Variants in TENM2 observed in about 807,000 individuals in gnomAD.
TENM2 encodes the protein teneurin transmembrane protein 2.
TENM2 carries 52 observed loss-of-function variants against 245.2 expected under a neutral mutation model. The observed-to-expected ratio is 0.21, with a 90% CI of 0.17 to 0.27. TENM2 has a LOEUF of 0.27. Among genes scored for constraint, TENM2 ranks in the 10% least tolerant of loss-of-function variants. The probability of loss-of-function intolerance (pLI) is 1.00; values close to 1 mark genes in which losing one functional copy is unlikely to be tolerated. For missense variants in TENM2, 3,046 were observed against 3,666.8 expected (o/e 0.83, Z 4.37); for synonymous variants, 1,363 against 1,438.9 (o/e 0.95, Z 1.19).
rs542394687 is a variant in TENM2, at chr5:167,458,548, A to C, written c.502+83075A>C. 5.3e-5 allele frequency among the ~76,000 whole-genome samples: 8 copies of C among 151,994 alleles called. No individual in the cohort carries two copies. The East Asian group carries it at 1.5e-3, about 29-fold the overall frequency. ...TTTGGTTATAATGCTGAGTGATTTC[A>C]AAATGTCAAACAAGTGAAAAGGATT... On this transcript the variant is annotated intron_variant, in intron 2 of 28. Transcript: ENST00000518659.
intron 2 of TENM2, among the ~76,000 whole-genome samples, chr5:167,570,567 C>G (rs888731715): frequency 6.6e-6 from 1 of 152,086 alleles, no homozygotes; most frequent in Non-Finnish European, 1.5e-5. Context: ...TCCTTTCATT[C>G]AGATTCCAAG....
intron 1 of TENM2, among the ~76,000 whole-genome samples, chr5:167,347,596 A>G (rs947062175): frequency 6.6e-6 from 1 of 152,152 alleles, no homozygotes; most frequent in African/African-American, 2.4e-5. Context: ...CTAATGGGGT[A>G]CAAAGAAATG....
the TENM2 span, among the ~76,000 whole-genome samples, chr5:167,215,148 C>T: frequency 2.6e-5 from 4 of 152,158 alleles, no homozygotes; most frequent in African/African-American, 7.2e-5. Flanking sequence ...GTGCTTCTTG[C>T]CCCCTGCTAA....
At chr5:167,934,167 T>C (rs1182956574) in intron 3 of TENM2, among the ~76,000 whole-genome samples, 1 of 152,196 alleles carries the variant, frequency 6.6e-6, no homozygotes, top group African/African-American at 2.4e-5. Context: ...TTTGGTTAGG[T>C]TGAGAAAGAC....
At chr5:167,332,472 T>C (rs933202364) in intron 1 of TENM2, among the ~76,000 whole-genome samples, 3 of 152,166 alleles carry the variant, frequency 2.0e-5, no homozygotes, top group African/African-American at 2.4e-5. Flanking sequence ...CAGGCTTTGT[T>C]CCCTGGAGAA....
chr5:167,710,413 G>A (rs536151736), intron 2 of TENM2, among the ~76,000 whole-genome samples: 2 of 152,244 alleles, frequency 1.3e-5, no homozygotes, highest in Admixed American at 1.3e-4. Flanking sequence ...AGGAGCCCTG[G>A]GAGCACTTAA....
chr5:168,230,040 C>T (rs909008425), intron 25 of TENM2, among the ~76,000 whole-genome samples: 1 of 152,084 alleles, frequency 6.6e-6, no homozygotes, highest in Non-Finnish European at 1.5e-5. Flanking sequence ...ATAAATGTGG[C>T]CCTAAAATAA....
At chr5:167,639,908 G>A (rs1164490864) in intron 2 of TENM2, among the ~76,000 whole-genome samples, 2 of 152,150 alleles carry the variant, frequency 1.3e-5, no homozygotes, top group African/African-American at 4.8e-5. Context: ...AGGAAGGAAT[G>A]TCAGCTGTCT....
At chr5:167,349,241 T>A (rs760787377) in intron 1 of TENM2, among the ~76,000 whole-genome samples, 1 of 152,210 alleles carries the variant, frequency 6.6e-6, no homozygotes, top group South Asian at 2.1e-4. Flanking sequence ...TTGGTGCACG[T>A]CATCTAATAG....
At chr5:167,464,237 G>T (rs1766504312) in intron 2 of TENM2, among the ~76,000 whole-genome samples, 1 of 152,106 alleles carries the variant, frequency 6.6e-6, no homozygotes, top group Non-Finnish European at 1.5e-5. Flanking sequence ...CTGAAGAAAA[G>T]ATGCTTTAGA....
the TENM2 span, among the ~76,000 whole-genome samples, chr5:167,106,821 A>G: frequency 2.6e-5 from 4 of 152,278 alleles, no homozygotes; most frequent in South Asian, 2.1e-4. Context: ...CTCAGTTACA[A>G]TCAGGAACTG....
At chr5:167,394,020 G>A (rs1479286589) in intron 2 of TENM2, among the ~76,000 whole-genome samples, 1 of 152,208 alleles carries the variant, frequency 6.6e-6, no homozygotes, top group Non-Finnish European at 1.5e-5. Context: ...ATATATTTTG[G>A]ATATTAACTC....
At position 167,375,448 on chromosome 5, in the gene TENM2, C is replaced by T. The variant is rs763730897; in HGVS notation, c.477C>T (p.Asn159=). 128 of 1,551,566 alleles carry T rather than the reference C, an allele frequency of 8.2e-5. No individual in the cohort carries two copies. The East Asian group carries it at 2.6e-3, about 32-fold the overall frequency. The change falls in exon 2 of 29, where the codon AAC becomes AAT. Residue 159 remains asparagine (N), a synonymous_variant. Transcript: ENST00000518659. ...CCCTTACCCTGACTGACTCTGACAACGAAAACAAATCAGATGATGAGAACG... is the reference window on the plus strand; with the variant it reads ...CCCTTACCCTGACTGACTCTGACAATGAAAACAAATCAGATGATGAGAACG...
At chr5:167,796,719 G>A (rs547503874) in intron 2 of TENM2, among the ~76,000 whole-genome samples, 10 of 152,038 alleles carry the variant, frequency 6.6e-5, no homozygotes, top group African/African-American at 1.9e-4. Context: ...TATCTTCTTC[G>A]TAGGAGATTG....
chr5:167,654,747 T>C (rs1754727085), intron 2 of TENM2, among the ~76,000 whole-genome samples: 1 of 152,082 alleles, frequency 6.6e-6, no homozygotes, highest in Non-Finnish European at 1.5e-5. Context: ...CATCCAGAAA[T>C]AACATGGAAT....
chr5:167,243,685 C>A, the TENM2 span, among the ~76,000 whole-genome samples: 1 of 152,138 alleles, frequency 6.6e-6, no homozygotes, highest in Non-Finnish European at 1.5e-5. Context: ...CTGCCCCACC[C>A]TTTTTTGAGA....
At chr5:167,365,024 ACT>A (rs1452674545) in intron 1 of TENM2, among the ~76,000 whole-genome samples, 1 of 151,848 alleles carries the variant, frequency 6.6e-6, no homozygotes. Flanking sequence ...TCAAGGAAAA[ACT>A]CTGCAATATA....
chr5:167,351,919 A>G (rs1330490851), intron 1 of TENM2, among the ~76,000 whole-genome samples: 4 of 152,146 alleles, frequency 2.6e-5, no homozygotes, highest in African/African-American at 9.7e-5. Flanking sequence ...CCCTCTCTCA[A>G]CATTCTCTGA....
intron 2 of TENM2, among the ~76,000 whole-genome samples, chr5:167,416,619 A>G (rs758198544): frequency 6.6e-6 from 1 of 152,188 alleles, no homozygotes; most frequent in African/African-American, 2.4e-5. Flanking sequence ...GAATTACCAA[A>G]ACATGTATAA....
Sources: allele counts gnomAD v4.1 joint callset (sites outside exome capture counted in the v4.1 genomes callset), GRCh38; gene constraint gnomAD v4.1.1; transcripts MANE v1.5; gene names NCBI Gene and HGNC (gene_info 2026-07-23, HGNC 2026-07-21).